LIN28B: variants seen among roughly 807,000 people sequenced by gnomAD.
The protein encoded by LIN28B is lin-28 RNA binding posttranscriptional regulator B, also known as protein lin-28 homolog B.
A neutral mutation model predicts 21.9 loss-of-function variants in LIN28B; 5 were observed. The observed-to-expected ratio is 0.23, with a 90% CI of 0.12 to 0.48. The LOEUF (loss-of-function observed/expected upper bound fraction) is 0.48, where lower values mean the gene tolerates loss of function less well. LIN28B is among the 20% of genes least tolerant of loss of function. The probability of loss-of-function intolerance (pLI) is 0.98; values close to 1 mark genes in which losing one functional copy is unlikely to be tolerated. For synonymous variants in LIN28B, 109 were observed against 111.3 expected (o/e 0.98, Z 0.13); for missense variants, 245 against 310.5 (o/e 0.79, Z 1.58).
chr6:105,060,136 C>G (rs1772098452), intron 3 of LIN28B, among the ~76,000 whole-genome samples: 1 of 152,230 alleles, frequency 6.6e-6, no homozygotes, highest in South Asian at 2.1e-4. Context: ...CTCCCAACCT[C>G]AGGTGATCCG....
chr6:104,980,733 T>A (rs1254225305), intron 2 of LIN28B, among the ~76,000 whole-genome samples: 1 of 152,150 alleles, frequency 6.6e-6, no homozygotes, highest in Admixed American at 6.6e-5. Context: ...TGGTCACTCA[T>A]GTATCTTCTC....
At chr6:104,937,773 C>A (rs1413015346) in intron 2 of LIN28B, among the ~76,000 whole-genome samples, 2 of 151,926 alleles carry the variant, frequency 1.3e-5, no homozygotes, top group Non-Finnish European at 2.9e-5. Context: ...GTAAGTATTT[C>A]CTTGAAAATA....
intron 3 of LIN28B, among the ~76,000 whole-genome samples, chr6:105,029,451 G>A (rs371507011): frequency 5.3e-5 from 8 of 152,274 alleles, no homozygotes; most frequent in East Asian, 1.9e-4. Flanking sequence ...GAGGAAAGGC[G>A]TAGCTTATGG....
intron 3 of LIN28B, among the ~76,000 whole-genome samples, chr6:105,054,937 T>A (rs550726508): frequency 2.0e-5 from 3 of 152,306 alleles, no homozygotes; most frequent in East Asian, 3.9e-4. Context: ...AAAGGTATTT[T>A]TAATAGATTT....
chr6:105,057,999 A>T, intron 3 of LIN28B: 1 of 354,084 alleles, frequency 2.8e-6, no homozygotes. Context: ...ATGGTCCCTT[A>T]TTTATTTAAT....
At chr6:105,077,560 C>T (rs1772455848) in intron 3 of LIN28B, among the ~76,000 whole-genome samples, 1 of 152,062 alleles carries the variant, frequency 6.6e-6, no homozygotes, top group African/African-American at 2.4e-5. Context: ...AAGCCATGTC[C>T]CCAGTGTGCA....
At chr6:105,051,433 C>T (rs1459895756) in intron 3 of LIN28B, among the ~76,000 whole-genome samples, 9 of 149,256 alleles carry the variant, frequency 6.0e-5, no homozygotes, top group Admixed American at 1.3e-4. Context: ...AGCGAGACTC[C>T]GTCTGAAAAA....
intron 3 of LIN28B, among the ~76,000 whole-genome samples, chr6:105,066,562 T>C (rs1772224406): frequency 6.6e-6 from 1 of 152,194 alleles, no homozygotes; most frequent in Non-Finnish European, 1.5e-5. Context: ...TCATGTTCTC[T>C]CTTCCTTCTG....
At chr6:105,051,420 CAG>C (rs1375009004) in intron 3 of LIN28B, among the ~76,000 whole-genome samples, 1 of 150,086 alleles carries the variant, frequency 6.7e-6, no homozygotes, top group Non-Finnish European at 1.5e-5. Flanking sequence ...GCCTGGGCGA[CAG>C]AGCGAGACTC....
intron 2 of LIN28B, chr6:104,940,223 A>G (rs1778062271): frequency 5.9e-6 from 1 of 168,974 alleles, no homozygotes; most frequent in Admixed American, 6.5e-5. Flanking sequence ...TCTGTAGTAA[A>G]AGAAAAGAAG....
At chr6:104,983,665 C>T (rs1317724995) in intron 2 of LIN28B, among the ~76,000 whole-genome samples, 4 of 152,204 alleles carry the variant, frequency 2.6e-5, no homozygotes, top group African/African-American at 9.6e-5. Context: ...CAACCTCCAC[C>T]TCCCAGTTTC....
intron 2 of LIN28B, among the ~76,000 whole-genome samples, chr6:105,010,257 T>G (rs930406587): frequency 6.6e-6 from 1 of 151,234 alleles, no homozygotes; most frequent in African/African-American, 2.4e-5. Context: ...CAGCTACTTA[T>G]GAGGCTGAGG....
At chr6:105,006,343 G>T (rs922262588) in intron 2 of LIN28B, among the ~76,000 whole-genome samples, 4 of 152,056 alleles carry the variant, frequency 2.6e-5, no homozygotes, top group African/African-American at 9.7e-5. Context: ...ACAGAGTCTC[G>T]CTTTGTTGCC....
At chr6:105,041,023 C>T (rs1221527922) in intron 3 of LIN28B, among the ~76,000 whole-genome samples, 1 of 151,974 alleles carries the variant, frequency 6.6e-6, no homozygotes, top group East Asian at 1.9e-4. Flanking sequence ...GTGATTCTCC[C>T]ACCTCAGCCT....
In LIN28B at chr6:105,026,280, C is replaced by G; in HGVS notation, c.199-18C>G. ...TTAATCTCTCTTTTTCTCCCCCACC[C>G]TCTTCTGCTCTTTACAGAGCAAACT... On this transcript the variant is annotated intron_variant, in intron 2 of 3. Coordinates refer to ENST00000345080, the MANE Select transcript of LIN28B (RefSeq NM_001004317.4). The G allele has an allele frequency of 6.8e-7, 1 of 1,459,918 alleles. No individual in the cohort carries two copies. Among genetic ancestry groups the G allele is most frequent in the Non-Finnish European group, 9.2e-7 (1 of 1,081,994 alleles). 90.4% of individuals were successfully genotyped at this position (1,459,918 alleles called of 1,614,324 possible).
At chr6:104,997,170 A>G (rs981103747) in intron 2 of LIN28B, among the ~76,000 whole-genome samples, 9 of 151,590 alleles carry the variant, frequency 5.9e-5, no homozygotes, top group Non-Finnish European at 1.0e-4. Flanking sequence ...AGTCCCAGCT[A>G]CTCGGGAGGC....
chr6:105,024,100 T>C (rs1028680212), intron 2 of LIN28B, among the ~76,000 whole-genome samples: 1 of 152,090 alleles, frequency 6.6e-6, no homozygotes, highest in South Asian at 2.1e-4. Flanking sequence ...CTGATTCTTC[T>C]GCCTCAGCCT....
intron 2 of LIN28B, among the ~76,000 whole-genome samples, chr6:105,016,442 A>G (rs541701768): frequency 6.6e-6 from 1 of 152,282 alleles, no homozygotes; most frequent in African/African-American, 2.4e-5. Flanking sequence ...TTGTTGAGGG[A>G]CATTTGAAAT....
chr6:104,944,716 A>G (rs1269288987), intron 2 of LIN28B, among the ~76,000 whole-genome samples: 1 of 152,108 alleles, frequency 6.6e-6, no homozygotes, highest in Non-Finnish European at 1.5e-5. Context: ...GTAATGTTGT[A>G]ATACATTTAA....
Sources: allele counts gnomAD v4.1 joint callset (sites outside exome capture counted in the v4.1 genomes callset), GRCh38; gene constraint gnomAD v4.1.1; transcripts MANE v1.5; gene names NCBI Gene and HGNC (gene_info 2026-07-23, HGNC 2026-07-21).